The following QRICH2 variants were observed in gnomAD, a reference collection of about 807,000 sequenced individuals.
QRICH2 encodes glutamine rich 2, also known as glutamine-rich protein 2.
Under a neutral mutation model 168.3 loss-of-function variants are expected in QRICH2, and 119 were observed. The ratio of observed to expected loss-of-function variants is 0.71; its 90% confidence interval spans 0.61 to 0.82. QRICH2 has a LOEUF of 0.82. QRICH2 is among the 40% of genes least tolerant of loss of function. QRICH2 has a pLI of 0.00. For synonymous variants in QRICH2, 894 were observed against 951.2 expected (o/e 0.94, Z 1.11); for missense variants, 2,241 against 2,491.6 (o/e 0.90, Z 2.14).
chr17:76,301,423 C>T, intron 3 of QRICH2: 1 of 242,680 alleles, frequency 4.1e-6, no homozygotes, highest in Non-Finnish European at 8.6e-6. Flanking sequence ...CAAAAATTAG[C>T]TAGGTATGGT....
chr17:76,281,317 G>A lies in QRICH2; in HGVS notation c.4264-364C>T, dbSNP rs2070784780. Among the ~76,000 whole-genome samples the A allele has an allele frequency of 6.6e-6, 1 of 152,170 alleles. No individual in the cohort carries two copies. Among genetic ancestry groups the A allele is most frequent in the South Asian group, 2.1e-4 (1 of 4,824 alleles). ...ACTAGCCTTGTGACCCTGGCCTGCC[G>A]GTCAGGGGTCATTAGAGGTGATGGA... On this transcript the variant is annotated intron_variant, in intron 8 of 18. Transcript: ENST00000680821. The surrounding 1 kb of genome is among the most constrained non-coding windows in gnomAD (Gnocchi z 4.4).
At chr17:76,308,575 C>T (rs1598510451), upstream of QRICH2, 4 of 786,050 alleles carry the variant, frequency 5.1e-6, no homozygotes, top group East Asian at 1.3e-4. Flanking sequence ...TCTATGGCCC[C>T]ATGTCTAAGG....
chr17:76,299,170 T>C (rs972286118), intron 3 of QRICH2, among the ~76,000 whole-genome samples: 8 of 152,102 alleles, frequency 5.3e-5, no homozygotes, highest in Non-Finnish European at 8.8e-5. Context: ...CTGAATATGT[T>C]CAAATGGCCC....
chr17:76,304,592 C>T, intron 2 of QRICH2, 67 bp from the exon 3 acceptor site: 1 of 1,166,972 alleles, frequency 8.6e-7, no homozygotes, highest in Non-Finnish European at 1.3e-6. Context: ...TAGGAACAGA[C>T]TTGGTCTAAC....
At chr17:76,295,794 A>G (rs1485856918) in intron 3 of QRICH2, among the ~76,000 whole-genome samples, 1 of 152,208 alleles carries the variant, frequency 6.6e-6, no homozygotes, top group East Asian at 1.9e-4. Context: ...TAGATCATCA[A>G]TAAGGGACTG....
chr17:76,303,872 C>CAA (rs67296304), intron 3 of QRICH2, among the ~76,000 whole-genome samples: 13,327 of 71,440 alleles, frequency 0.19, 1,317 homozygotes, highest in African/African-American at 0.26. Context: ...AACTCTGTCT[C>CAA]AAAAAAAAAA....
chr17:76,278,768 G>A (rs2070734626), intron 14 of QRICH2, among the ~76,000 whole-genome samples: 1 of 152,202 alleles, frequency 6.6e-6, no homozygotes, highest in Admixed American at 6.5e-5. Flanking sequence ...GGCAGCTGGC[G>A]CCCTTGACGA....
Position 76,292,494 on chromosome 17 carries a change from C to A in QRICH2, c.2233G>T (p.Ala745Ser), listed in dbSNP as rs377502554. 1.2e-5 allele frequency: 18 copies of A among 1,564,968 alleles called. No individual in the cohort carries two copies. Among genetic ancestry groups the A allele is most frequent in the Non-Finnish European group, 1.6e-5 (18 of 1,148,302 alleles). The change falls in exon 4 of 19, where the codon GCA (alanine) becomes TCA (serine). Residue 745 changes from alanine to serine, a missense_variant. Transcript: ENST00000680821. ...VDQRGLAQPR[A>S]DHQRGLVPPG... is the part of the protein sequence containing the mutation. The stretch of plus-strand genomic sequence containing the variant: ...GGGACCAAACCACGCTGATGATCTG[C>A]ACGAGGTTGTGCCAAACCACGCTGA...
At position 76,281,183 on chromosome 17, in the gene QRICH2, A is replaced by G. The variant is rs550504024; in HGVS notation, c.4264-230T>C. On this transcript the variant is annotated intron_variant, in intron 8 of 18. Coordinates refer to ENST00000680821, the MANE Select transcript of QRICH2 (RefSeq NM_001388453.1). This position sits in a 1 kb window ranked among gnomAD's most constrained non-coding sequence, Gnocchi z 4.4. ...GGCAACATAGGGAGACCCTGTCTCA[A>G]AAACAATGGAAAACAATTTTCCACT... is the stretch of plus-strand genomic sequence containing the variant. Among the ~76,000 whole-genome samples the G allele has an allele frequency of 3.9e-5, 6 of 152,332 alleles. No homozygotes were observed. In the South Asian group the frequency reaches 1.2e-3, roughly 32 times the overall value.
intron 13 of QRICH2, 79 bp from the exon 14 acceptor site, chr17:76,279,221 T>G (rs2070743558): frequency 1.1e-5 from 15 of 1,368,174 alleles, no homozygotes; most frequent in Non-Finnish European, 1.4e-5. Flanking sequence ...CTAAAGAACC[T>G]TCCCACCCGC....
chr17:76,278,219 G>A (rs1445151054), intron 14 of QRICH2, 30 bp from the exon 15 acceptor site: 2 of 1,595,206 alleles, frequency 1.3e-6, no homozygotes, highest in Non-Finnish European at 1.7e-6. Flanking sequence ...CAGAGGGAGG[G>A]TTGGCCCATG....
chr17:76,307,203 CA>C lies in QRICH2; in HGVS notation c.534+261del, dbSNP rs2071003390. ...CACTACACTTAGGAGGTGGGGTCCC[CA>C]GGCCCCTCCAGCTCGGGGAGGCCCT... On this transcript the variant is annotated intron_variant, in intron 1 of 18. Coordinates refer to ENST00000680821, the MANE Select transcript of QRICH2 (RefSeq NM_001388453.1). The surrounding 1 kb of genome is among the most constrained non-coding windows in gnomAD (Gnocchi z 5.3). Among the ~76,000 whole-genome samples the C allele has an allele frequency of 6.6e-6, 1 of 152,136 alleles. No homozygotes were observed. The highest frequency in any genetic ancestry group is 1.5e-5 in the Non-Finnish European group (1 of 68,018).
chr17:76,297,620 A>T (rs1383109107), intron 3 of QRICH2, among the ~76,000 whole-genome samples: 1 of 152,202 alleles, frequency 6.6e-6, no homozygotes, highest in Non-Finnish European at 1.5e-5. Flanking sequence ...CATGACCCAT[A>T]ATGAGGAGAT....
chr17:76,310,112 C>T (rs982820732), upstream of QRICH2: 1 of 152,074 alleles, frequency 6.6e-6, no homozygotes, highest in African/African-American at 2.4e-5. Flanking sequence ...GCCTCAGCCT[C>T]CCGAGTAGCT....
At chr17:76,289,028 T>G (rs11077810) in intron 5 of QRICH2, among the ~76,000 whole-genome samples, 1 of 148,128 alleles carries the variant, frequency 6.8e-6, no homozygotes, top group Non-Finnish European at 1.5e-5. Context: ...GGCGTGAACC[T>G]GGGAGGTGGA....
In QRICH2 at chr17:76,293,627, G is replaced by T. The variant is rs752827471; in HGVS notation, c.1100C>A (p.Pro367His). 6.2e-7 allele frequency: 1 copy of T among 1,614,170 alleles called. No homozygotes were observed. Among genetic ancestry groups the T allele is most frequent in the Non-Finnish European group, 8.5e-7 (1 of 1,180,028 alleles). ...ACTACTGGGCTGGTCTCTGGCCAAG[G>T]GTAAGTCCTGTTGAACTGGACCAGG... ...ARPGPVQQDL[P>H]LARDQPSSVP... Residue 367 changes from proline (P) to histidine (H), a missense_variant, in exon 4 of 19, where the codon CCC becomes CAC. By Grantham distance (77) the Pro-to-His change is moderately conservative (BLOSUM62 -2). Around this residue, in one of 3 missense-constraint regions of QRICH2, gnomAD observed 2,047 missense variants for 2,303.8 expected, o/e 0.89. Transcript: ENST00000680821.
At chr17:76,278,993 A>T (rs1299250578) in intron 14 of QRICH2, 48 bp downstream of exon 14, 1 of 1,492,196 alleles carries the variant, frequency 6.7e-7, no homozygotes, top group East Asian at 2.3e-5. Flanking sequence ...CCCCATCCAG[A>T]GCCCTGGCCC....
intron 7 of QRICH2, among the ~76,000 whole-genome samples, chr17:76,286,130 G>A (rs928586349): frequency 2.6e-5 from 4 of 151,786 alleles, no homozygotes; most frequent in African/African-American, 7.3e-5. Context: ...AGCCGAGATC[G>A]TGCCACTGCA....
chr17:76,291,172 T>C lies in QRICH2; in HGVS notation c.3555A>G (p.Arg1185=). 6.2e-7 allele frequency: 1 copy of C among 1,614,150 alleles called. No homozygotes were observed. The highest frequency in any genetic ancestry group is 8.5e-7 in the Non-Finnish European group (1 of 1,180,032). ...VLSERRNSLR[R]MSSSFPTAVE... is the part of the protein sequence containing the mutation. Reference sequence around the variant, plus strand: ...CTGCCGTGGGGAAACTAGAACTCATTCTACGCAGTGAATTGCGTCGCTCAC... The same window carrying C: ...CTGCCGTGGGGAAACTAGAACTCATCCTACGCAGTGAATTGCGTCGCTCAC... The change falls in exon 4 of 19, where the codon AGA becomes AGG. Residue 1185 remains arginine (R), a synonymous_variant. Coordinates refer to ENST00000680821, the MANE Select transcript of QRICH2 (RefSeq NM_001388453.1).
Sources: allele counts gnomAD v4.1 joint callset (sites outside exome capture counted in the v4.1 genomes callset), GRCh38; gene constraint gnomAD v4.1.1; regional missense constraint gnomAD v4.1.1; non-coding constraint Gnocchi (gnomAD v3.1); transcripts MANE v1.5; gene names NCBI Gene and HGNC (gene_info 2026-07-23, HGNC 2026-07-21).